DNAJC13: variants seen among roughly 807,000 people sequenced by gnomAD.
DNAJC13 encodes DnaJ heat shock protein family (Hsp40) member C13, also known as dnaJ homolog subfamily C member 13.
Under a neutral mutation model 290.5 loss-of-function variants are expected in DNAJC13, and 75 were observed. The observed-to-expected ratio is 0.26, with a 90% CI of 0.21 to 0.31. The LOEUF (loss-of-function observed/expected upper bound fraction) is 0.31, where lower values mean the gene tolerates loss of function less well. Ranked by LOEUF, DNAJC13 falls within the 10% of genes least tolerant of loss-of-function variation. DNAJC13 has a pLI of 1.00. For synonymous variants in DNAJC13, 862 were observed against 892.0 expected (o/e 0.97, Z 0.60); for missense variants, 2,260 against 2,674.5 (o/e 0.85, Z 3.42).
chr3:132,459,567 A>G (rs1559878032), intron 13 of DNAJC13, among the ~76,000 whole-genome samples: 1 of 152,146 alleles, frequency 6.6e-6, no homozygotes, highest in Non-Finnish European at 1.5e-5. Context: ...AATGGTTAAG[A>G]TGGTAACTTT....
chr3:132,490,829 C>A, intron 31 of DNAJC13, 68 bp from the exon 32 acceptor site: 1 of 1,378,202 alleles, frequency 7.3e-7, no homozygotes, highest in Non-Finnish European at 9.6e-7. Context: ...AACCATAAAT[C>A]ATTTATTAGA....
chr3:132,505,256 TAA>T, intron 41 of DNAJC13, 44 bp from the exon 42 acceptor site: 1 of 1,234,952 alleles, frequency 8.1e-7, no homozygotes, highest in Non-Finnish European at 1.2e-6. Context: ...ATAATGTCAA[TAA>T]GTTTTTTCAC....
At position 132,466,342 on chromosome 3, in the gene DNAJC13, C is replaced by T; in HGVS notation, c.2012C>T (p.Pro671Leu). 1 of 1,603,296 alleles carries T rather than the reference C, an allele frequency of 6.2e-7. No individual in the cohort carries two copies. The highest frequency in any genetic ancestry group is 2.2e-5 in the East Asian group (1 of 44,818). Residue 671 changes from proline (P) to leucine (L), a missense_variant, in exon 19 of 56, where the codon CCT becomes CTT. Coordinates refer to ENST00000260818, the MANE Select transcript of DNAJC13 (RefSeq NM_015268.4). ...TACTTGGAAAGCTCAGATCTCGTAC[C>T]TGAGAAGGATGCTGATCGGATGCAT... Reference protein sequence around the residue: ...LAYLESSDLVPEKDADRMHVR... With the variant: ...LAYLESSDLVLEKDADRMHVR...
intron 20 of DNAJC13, among the ~76,000 whole-genome samples, chr3:132,472,030 C>T (rs1160338043): frequency 4.7e-5 from 7 of 149,952 alleles, no homozygotes; most frequent in Non-Finnish European, 3.0e-5. Context: ...GGATCACTCG[C>T]GGTTAGGGGC....
chr3:132,516,643 A>G (rs1935928091), intron 47 of DNAJC13, 61 bp from the exon 48 acceptor site: 1 of 1,541,454 alleles, frequency 6.5e-7, no homozygotes, highest in Admixed American at 1.9e-5. Flanking sequence ...ATGGTTGAAA[A>G]TGAATTCTGA....
intron 20 of DNAJC13, among the ~76,000 whole-genome samples, chr3:132,471,453 G>A (rs1467647078): frequency 2.8e-5 from 4 of 144,660 alleles, no homozygotes; most frequent in Non-Finnish European, 6.1e-5. Context: ...CTCAGACGGG[G>A]CAGCTGCCAG....
intron 55 of DNAJC13, among the ~76,000 whole-genome samples, chr3:132,536,149 C>T (rs1205391736): frequency 2.6e-5 from 4 of 152,156 alleles, no homozygotes; most frequent in Admixed American, 1.3e-4. Context: ...GAAGTAATTG[C>T]AAGACAACTT....
chr3:132,507,906 G>A (rs1469488750), intron 43 of DNAJC13, among the ~76,000 whole-genome samples: 1 of 152,194 alleles, frequency 6.6e-6, no homozygotes, highest in Non-Finnish European at 1.5e-5. Flanking sequence ...ACCTTGATGA[G>A]GAAGGCTTGT....
chr3:132,453,794 G>A, intron 8 of DNAJC13, 100 bp downstream of exon 8: 1 of 975,764 alleles, frequency 1.0e-6, no homozygotes, highest in African/African-American at 1.6e-5. Context: ...TAAAGAATAT[G>A]GAATGGACAG....
chr3:132,448,455 A>T (rs1003123384), intron 5 of DNAJC13, among the ~76,000 whole-genome samples: 1 of 152,128 alleles, frequency 6.6e-6, no homozygotes, highest in African/African-American at 2.4e-5. Flanking sequence ...AGTCGTCTTA[A>T]CTTTCCCAGG....
Position 132,450,747 on chromosome 3 carries a change from G to T in DNAJC13, c.437G>T (p.Arg146Ile). 6.2e-7 allele frequency: 1 copy of T among 1,612,104 alleles called. No individual in the cohort carries two copies. Among genetic ancestry groups the T allele is most frequent in the Non-Finnish European group, 8.5e-7 (1 of 1,178,476 alleles). Residue 146 changes from arginine to isoleucine, a missense_variant, in exon 6 of 56, where the codon AGA becomes ATA. This residue lies in a region of DNAJC13 where 762 missense variants were observed against 964.1 expected (regional missense o/e 0.79). Coordinates refer to ENST00000260818, the MANE Select transcript of DNAJC13 (RefSeq NM_015268.4). ...GFDQINPATN[R>I]VLCSYDYRNI... is the part of the protein sequence containing the mutation. The stretch of plus-strand genomic sequence containing the variant: ...GACCAAATTAATCCTGCAACCAACA[G>T]AGTACTCTGTTCCTATGACTATAGA...
intron 34 of DNAJC13, 125 bp downstream of exon 34, chr3:132,494,384 G>A (rs1935164520): frequency 2.7e-6 from 2 of 738,138 alleles, no homozygotes; most frequent in African/African-American, 3.6e-5. Context: ...ATACACCTTG[G>A]GAATAACCAT....
intron 1 of DNAJC13, among the ~76,000 whole-genome samples, chr3:132,428,923 C>T (rs1266600300): frequency 6.7e-6 from 1 of 150,266 alleles, no homozygotes; most frequent in Middle Eastern, 3.4e-3. Flanking sequence ...TTAGTAGAGA[C>T]GGGGTTTCAC....
At position 132,454,266 on chromosome 3, in the gene DNAJC13, T is replaced by A. The variant is rs141321542; in HGVS notation, c.932+109T>A. 7.6e-4 allele frequency: 602 copies of A among 787,720 alleles called. 2 individuals are homozygous for A. The East Asian group carries it at 0.016, about 21-fold the overall frequency. The allele number at this position is 787,720 out of a possible 1,614,324, so 48.8% of individuals were successfully genotyped here. Reference sequence around the variant, plus strand: ...TCTAGAAATTTAAAATCATTTAATTTGGGAAAAGACATTTTCTTGCATATT... The same window carrying A: ...TCTAGAAATTTAAAATCATTTAATTAGGGAAAAGACATTTTCTTGCATATT... On this transcript the variant is annotated intron_variant, in intron 9 of 55. Coordinates refer to ENST00000260818, the MANE Select transcript of DNAJC13 (RefSeq NM_015268.4).
intron 1 of DNAJC13, among the ~76,000 whole-genome samples, chr3:132,430,433 G>A (rs1380344351): frequency 6.6e-6 from 1 of 151,926 alleles, no homozygotes. Context: ...GTCATGCCCC[G>A]TGTTTTTTAT....
In DNAJC13 at chr3:132,461,054, A is replaced by G; in HGVS notation, c.1562A>G (p.His521Arg). Residue 521 changes from histidine to arginine, a missense_variant, in exon 15 of 56, where the codon CAT becomes CGT. Physicochemically the swap from His to Arg is conservative, Grantham distance 29. This residue lies in a region of DNAJC13 where 762 missense variants were observed against 964.1 expected (regional missense o/e 0.79). Coordinates refer to ENST00000260818, the MANE Select transcript of DNAJC13 (RefSeq NM_015268.4). Reference sequence around the variant, plus strand: ...GAATCTGTTGCATTGTTTCAGGATCATGGGACTGGTGCCCTAGTTATTAGT... The same window carrying G: ...GAATCTGTTGCATTGTTTCAGGATCGTGGGACTGGTGCCCTAGTTATTAGT... ...LLEKFNSHVD[H>R]GTGALVISSL... 3.1e-6 allele frequency: 5 copies of G among 1,613,792 alleles called. No homozygotes were observed. The highest frequency in any genetic ancestry group is 4.2e-6 in the Non-Finnish European group (5 of 1,179,886).
chr3:132,475,859 T>C (rs959131370), intron 22 of DNAJC13, among the ~76,000 whole-genome samples: 3 of 152,222 alleles, frequency 2.0e-5, no homozygotes, highest in Non-Finnish European at 4.4e-5. Context: ...GTTTCAGTTC[T>C]TTGACCTCGT....
chr3:132,492,651 A>G (rs781702287), intron 33 of DNAJC13, 36 bp downstream of exon 33: 8 of 1,586,626 alleles, frequency 5.0e-6, no homozygotes, highest in Admixed American at 3.4e-5. Context: ...ACCTTAAGCC[A>G]TAAAAATAGC....
chr3:132,481,291 G>A (rs1383111658), intron 26 of DNAJC13, among the ~76,000 whole-genome samples: 3 of 152,124 alleles, frequency 2.0e-5, no homozygotes, highest in African/African-American at 7.2e-5. Flanking sequence ...GAAGGTGATT[G>A]TAAGAAAAAG....
Sources: allele counts gnomAD v4.1 joint callset (sites outside exome capture counted in the v4.1 genomes callset), GRCh38; gene constraint gnomAD v4.1.1; regional missense constraint gnomAD v4.1.1; transcripts MANE v1.5; gene names NCBI Gene and HGNC (gene_info 2026-07-23, HGNC 2026-07-21).